The following ANO4 variants were observed in gnomAD, a reference collection of about 807,000 sequenced individuals.
ANO4 encodes the protein anoctamin-4.
A neutral mutation model predicts 141.9 loss-of-function variants in ANO4; 69 were observed. The ratio of observed to expected loss-of-function variants is 0.49; its 90% confidence interval spans 0.40 to 0.59. The LOEUF (loss-of-function observed/expected upper bound fraction) is 0.59. Among genes scored for constraint, ANO4 ranks in the 20% least tolerant of loss-of-function variants. The pLI, the probability that ANO4 is intolerant of heterozygous loss-of-function variation, is 0.00. For synonymous variants in ANO4, 350 were observed against 394.3 expected, an observed-to-expected ratio of 0.89 and a Z score of 1.33; for missense variants, 894 against 1,162.2, an observed-to-expected ratio of 0.77 and a Z score of 3.36.
chr12:100,876,727 T>C (rs1593602275), intron 1 of ANO4, among the ~76,000 whole-genome samples: 1 of 152,336 alleles, frequency 6.6e-6, no homozygotes, highest in South Asian at 2.1e-4. Flanking sequence ...TCTCCACATA[T>C]GTTCTTGGAA....
At chr12:100,920,592 C>T (rs945256083) in intron 2 of ANO4, among the ~76,000 whole-genome samples, 10 of 148,722 alleles carry the variant, frequency 6.7e-5, no homozygotes, top group Non-Finnish European at 1.2e-4. Context: ...AGCAGGAAGG[C>T]GTCTTTGTCT....
At chr12:100,823,578 C>T (rs1310736526) in intron 1 of ANO4, among the ~76,000 whole-genome samples, 1 of 151,964 alleles carries the variant, frequency 6.6e-6, no homozygotes, top group East Asian at 1.9e-4. Flanking sequence ...ACAGTCTTTC[C>T]ATAGACTAAA....
intron 14 of ANO4, among the ~76,000 whole-genome samples, chr12:101,072,565 G>A (rs190285214): frequency 2.1e-3 from 320 of 152,212 alleles, no homozygotes; most frequent in African/African-American, 7.4e-3. Context: ...AAAAGCAATG[G>A]CAACAAAAGC....
chr12:101,114,151 C>T (rs1298474851), intron 24 of ANO4, among the ~76,000 whole-genome samples: 1 of 152,206 alleles, frequency 6.6e-6, no homozygotes, highest in Non-Finnish European at 1.5e-5. Context: ...TCTCTACTAC[C>T]TGTGACCTTC....
chr12:100,836,652 T>C (rs7134470), intron 1 of ANO4, among the ~76,000 whole-genome samples: 8,937 of 151,758 alleles, frequency 0.059, 285 homozygotes, highest in Middle Eastern at 0.095. Flanking sequence ...AAAGAGGAGG[T>C]CTTCTAATGA....
At chr12:100,825,107 A>G (rs1042805460) in intron 1 of ANO4, among the ~76,000 whole-genome samples, 6 of 152,086 alleles carry the variant, frequency 3.9e-5, no homozygotes, top group Non-Finnish European at 7.4e-5. Context: ...ACTGGTATCA[A>G]TTAGTAACAT....
chr12:100,943,180 G>A (rs904818661), intron 5 of ANO4, among the ~76,000 whole-genome samples: 8 of 152,208 alleles, frequency 5.3e-5, no homozygotes, highest in African/African-American at 1.7e-4. Flanking sequence ...TCCATGATGG[G>A]CTTATGGTGT....
intron 25 of ANO4, among the ~76,000 whole-genome samples, chr12:101,117,562 A>T (rs904554689): frequency 6.6e-6 from 1 of 152,198 alleles, no homozygotes; most frequent in African/African-American, 2.4e-5. Flanking sequence ...CTTTGACGTT[A>T]TAAGAATTTT....
At chr12:100,800,483 T>G (rs1480138657) in intron 1 of ANO4, among the ~76,000 whole-genome samples, 1 of 152,266 alleles carries the variant, frequency 6.6e-6, no homozygotes, top group Non-Finnish European at 1.5e-5. Flanking sequence ...TTTTTTTCCC[T>G]GTGGTTATTC....
chr12:100,852,070 A>G (rs2135853931), intron 1 of ANO4, among the ~76,000 whole-genome samples: 1 of 152,282 alleles, frequency 6.6e-6, no homozygotes, highest in East Asian at 1.9e-4. Context: ...AAAGACTTAA[A>G]TAGGGGAGTG....
chr12:100,771,674 A>C (rs1454215468), intron 3 of ANO4, among the ~76,000 whole-genome samples: 1 of 152,214 alleles, frequency 6.6e-6, no homozygotes, highest in Non-Finnish European at 1.5e-5. Flanking sequence ...ACTGAGTCAG[A>C]ATGGAGAAAA....
Position 101,119,236 on chromosome 12 carries a change from T to G in ANO4, c.2571-1284T>G, listed in dbSNP as rs116769715. ...ACTTTGGGAGGCTGAGGTGAGTAGA[T>G]AGCTTAAGGTCAAGAGTTTGAGACC... On this transcript the variant is annotated intron_variant, in intron 25 of 27. Transcript: ENST00000392977. Among the ~76,000 whole-genome samples the G allele has an allele frequency of 1.8e-3, 274 of 152,214 alleles. 2 individuals carry two copies. The highest frequency in any genetic ancestry group is 0.01 in the Middle Eastern group (3 of 294).
chr12:100,930,145 GTTGA>G (rs1355678667), intron 3 of ANO4, among the ~76,000 whole-genome samples: 1 of 152,086 alleles, frequency 6.6e-6, no homozygotes, highest in Non-Finnish European at 1.5e-5. Flanking sequence ...TCTTCACTTT[GTTGA>G]TTGTTTCCTT....
chr12:101,040,747 C>T (rs1055456214), intron 11 of ANO4, among the ~76,000 whole-genome samples: 4 of 152,030 alleles, frequency 2.6e-5, no homozygotes, highest in African/African-American at 4.8e-5. Context: ...AATGTTATCC[C>T]TCCCCTAGCC....
chr12:100,952,859 G>C (rs941058771), intron 5 of ANO4, among the ~76,000 whole-genome samples: 5 of 152,154 alleles, frequency 3.3e-5, no homozygotes, highest in African/African-American at 1.2e-4. Context: ...TCTGTTGCCA[G>C]GTCAAGATGA....
rs146197120 is a variant in ANO4 at position 101,112,893 on chromosome 12, A to C, written c.2450+1183A>C. Among the ~76,000 whole-genome samples, 3 of 152,326 alleles carry C rather than the reference A, an allele frequency of 2.0e-5. No homozygotes were observed. In the East Asian group the frequency reaches 5.8e-4, roughly 29 times the overall value. ...CAACTTTTAGTGAGCATACCATCCCATTTTAAGAGAAATGTAAAGACATGT... is the reference window on the plus strand; with the variant it reads ...CAACTTTTAGTGAGCATACCATCCCCTTTTAAGAGAAATGTAAAGACATGT... On this transcript the variant is annotated intron_variant, in intron 24 of 27. Transcript: ENST00000392977.
chr12:100,881,939 T>C (rs1217392880), intron 1 of ANO4, among the ~76,000 whole-genome samples: 2 of 152,186 alleles, frequency 1.3e-5, no homozygotes, highest in Non-Finnish European at 1.5e-5. Context: ...ATTCAATGCA[T>C]GGAACCAGTT....
chr12:101,084,721 T>C (rs183554594), intron 16 of ANO4, among the ~76,000 whole-genome samples: 1 of 152,346 alleles, frequency 6.6e-6, no homozygotes, highest in Admixed American at 6.5e-5. Flanking sequence ...AGCAACTGTG[T>C]CATGCTTTGC....
rs200728027 is a variant in ANO4 at position 100,779,070 on chromosome 12, C to CA, written c.358+38972dup. On this transcript the variant is annotated intron_variant, in intron 3 of 29. Coordinates refer to the ANO4 transcript ENST00000644049. The stretch of plus-strand genomic sequence containing the variant: ...ACCAAAAGAAAAAAAAAACAAAAAA[C>CA]AAAAAAACAGAAAAACCCATAACAA... Among the ~76,000 whole-genome samples the CA allele has an allele frequency of 8.1e-3, 1,228 of 151,182 alleles. 18 individuals are homozygous for CA. The highest frequency in any genetic ancestry group is 0.028 in the African/African-American group (1,154 of 41,166).
Sources: allele counts gnomAD v4.1 joint callset (sites outside exome capture counted in the v4.1 genomes callset), GRCh38; gene constraint gnomAD v4.1.1; transcripts MANE v1.5; gene names NCBI Gene and HGNC (gene_info 2026-07-23, HGNC 2026-07-21).